Variants in CYP11A1 observed in about 807,000 individuals in gnomAD.
The protein encoded by CYP11A1 is cholesterol side-chain cleavage enzyme, mitochondrial.
In CYP11A1, 25 loss-of-function variants were observed where a neutral mutation model predicts 51.9. The ratio of observed to expected loss-of-function variants is 0.48; its 90% confidence interval spans 0.35 to 0.67. The LOEUF (loss-of-function observed/expected upper bound fraction) is 0.67. Among genes scored for constraint, CYP11A1 ranks in the 30% least tolerant of loss-of-function variants. CYP11A1 has a pLI of 0.00. For missense variants in CYP11A1, 578 were observed against 680.9 expected (o/e 0.85, Z 1.68); for synonymous variants, 245 against 262.1 (o/e 0.93, Z 0.63).
chr15:74,362,232 C>A, intron 1 of CYP11A1: 2 of 397,846 alleles, frequency 5.0e-6, no homozygotes, highest in Admixed American at 4.0e-5. Context: ...TAAATAACAA[C>A]AAAAAATTGT....
At position 74,342,939 on chromosome 15, in the gene CYP11A1, CAG is replaced by C. The variant is rs750164993; in HGVS notation, c.990+36_990+37del. The C allele has an allele frequency of 2.5e-5, 41 of 1,609,278 alleles. No homozygotes were observed. In the Admixed American group the frequency reaches 3.0e-4, roughly 12 times the overall value. Reference sequence around the variant, plus strand: ...CTGGTGGGGAAGGGGCACGTGGGCACAGGGGGCAACAAGGTGCCGCCCCTACA... The same window carrying C: ...CTGGTGGGGAAGGGGCACGTGGGCACGGGGCAACAAGGTGCCGCCCCTACA... On this transcript the variant is annotated intron_variant, in intron 5 of 8. Transcript: ENST00000268053.
At chr15:74,352,148 T>C (rs2060659124) in intron 1 of CYP11A1, among the ~76,000 whole-genome samples, 1 of 152,190 alleles carries the variant, frequency 6.6e-6, no homozygotes, top group East Asian at 1.9e-4. Context: ...TCACGTGACT[T>C]AAAGTATAAC....
chr15:74,367,258 G>A lies in CYP11A1; in HGVS notation c.269+59C>T, dbSNP rs1011708133. The A allele has an allele frequency of 2.5e-6, 4 of 1,605,568 alleles. No homozygotes were observed. In the African/African-American group the frequency reaches 5.4e-5, roughly 22 times the overall value. On this transcript the variant is annotated intron_variant, in intron 1 of 8. Transcript: ENST00000268053. ...GTTGGGGGAGTGGGGACTACAGCAG[G>A]GCTACCCAGGCCCCTCCTCCTCCCT... is the stretch of plus-strand genomic sequence containing the variant.
At chr15:74,362,226 T>A in intron 1 of CYP11A1, 3 of 416,102 alleles carry the variant, frequency 7.2e-6, no homozygotes, top group Non-Finnish European at 1.3e-5. Context: ...AAAAACTAAA[T>A]AACAACAAAA....
intron 7 of CYP11A1, among the ~76,000 whole-genome samples, 174 bp downstream of exon 7, chr15:74,339,063 A>G (rs1293206340): frequency 2.6e-5 from 4 of 152,246 alleles, no homozygotes; most frequent in African/African-American, 7.2e-5. Flanking sequence ...CTGGGTTCCA[A>G]TAACATCCTA....
At chr15:74,339,561 G>A in intron 6 of CYP11A1, 26 bp downstream of exon 6, 1 of 1,608,724 alleles carries the variant, frequency 6.2e-7, no homozygotes, top group Non-Finnish European at 8.5e-7. Context: ...TGGAGTTGGG[G>A]GCGGCATGGG....
intron 5 of CYP11A1, 52 bp downstream of exon 5, chr15:74,342,924 AG>A: frequency 6.3e-7 from 1 of 1,592,486 alleles, no homozygotes; most frequent in Non-Finnish European, 8.6e-7. Context: ...CTGGTGGGGA[AG>A]GGGCACGTGG....
intron 1 of CYP11A1, among the ~76,000 whole-genome samples, chr15:74,355,297 T>C (rs1596165250): frequency 6.6e-6 from 1 of 152,074 alleles, no homozygotes; most frequent in Non-Finnish European, 1.5e-5. Context: ...TCAACAATGG[T>C]TCCAAATAGC....
At chr15:74,349,496 A>T (rs1429003680) in intron 1 of CYP11A1, among the ~76,000 whole-genome samples, 2 of 152,166 alleles carry the variant, frequency 1.3e-5, no homozygotes, top group Non-Finnish European at 2.9e-5. Flanking sequence ...GTGGCCTCCC[A>T]GAAAATCCCC....
intron 3 of CYP11A1, 155 bp downstream of exon 3, chr15:74,344,889 C>G (rs2060624610): frequency 2.6e-6 from 2 of 782,346 alleles, no homozygotes; most frequent in East Asian, 5.3e-5. Flanking sequence ...TAAATTGCCT[C>G]TGAGTAGCAG....
intron 1 of CYP11A1, among the ~76,000 whole-genome samples, chr15:74,348,979 G>T (rs1020038450): frequency 1.3e-5 from 2 of 152,156 alleles, no homozygotes; most frequent in African/African-American, 4.8e-5. Flanking sequence ...TCCCACCTCA[G>T]CCTCCCAAAG....
At position 74,358,773 on chromosome 15, in the gene CYP11A1, C is replaced by T. The variant is rs934940455; in HGVS notation, c.269+8544G>A. Among the ~76,000 whole-genome samples, 3 of 152,244 alleles carry T rather than the reference C, an allele frequency of 2.0e-5. No individual in the cohort carries two copies. In the East Asian group the frequency reaches 5.8e-4, roughly 29 times the overall value. ...TCGGTTTGGCCTTCCTACCTCTATA[C>T]AGTCTGATAACAGACCAGCCTTTAT... On this transcript the variant is annotated intron_variant, in intron 1 of 8. Transcript: ENST00000268053.
chr15:74,366,455 TTTTA>T (rs2060733849), intron 1 of CYP11A1, among the ~76,000 whole-genome samples: 2 of 99,004 alleles, frequency 2.0e-5, no homozygotes, highest in Non-Finnish European at 4.2e-5. Context: ...GGCTAATTTT[TTTTA>T]TTTTATTTAT....
chr15:74,366,058 G>A, intron 1 of CYP11A1: 3 of 985,610 alleles, frequency 3.0e-6, no homozygotes, highest in Non-Finnish European at 3.6e-6. Context: ...CCCGGGGGGC[G>A]GATGGGCTCG....
At chr15:74,355,996 C>T (rs1335641685) in intron 1 of CYP11A1, among the ~76,000 whole-genome samples, 2 of 152,220 alleles carry the variant, frequency 1.3e-5, no homozygotes, top group Non-Finnish European at 2.9e-5. Context: ...GCCCTCAAAC[C>T]TCGCAATGGG....
intron 1 of CYP11A1, among the ~76,000 whole-genome samples, chr15:74,359,854 C>G (rs2060699247): frequency 6.6e-6 from 1 of 152,180 alleles, no homozygotes; most frequent in Non-Finnish European, 1.5e-5. Context: ...TCTCTGGGCT[C>G]TTTCCCTCTA....
chr15:74,345,160 A>C lies in CYP11A1; in HGVS notation c.509T>G (p.Leu170Arg). 2 of 1,614,000 alleles carry C rather than the reference A, an allele frequency of 1.2e-6. No individual in the cohort carries two copies. The highest frequency in any genetic ancestry group is 1.1e-5 in the South Asian group (1 of 91,030). The change falls in exon 3 of 9, where the codon CTG becomes CGG. Residue 170 changes from leucine to arginine, a missense_variant. By Grantham distance (102) the Leu-to-Arg change is moderately radical. Coordinates refer to ENST00000268053, the MANE Select transcript of CYP11A1 (RefSeq NM_000781.3). The surrounding 1 kb of genome is among the most constrained non-coding windows in gnomAD (Gnocchi z 4.3). ...APEATKNFLP[L>R]LDAVSRDFVS... ...GAAGTCCCGAGACACTGCATCCAAC[A>C]GGGGCAAAAAGTTCTTGGTGGCCTC...
chr15:74,362,127 A>G, intron 1 of CYP11A1: 2 of 826,546 alleles, frequency 2.4e-6, no homozygotes, highest in South Asian at 1.5e-5. Flanking sequence ...ATTTGCTCGC[A>G]GTATCCTAGA....
chr15:74,341,887 G>A (rs1469328533), intron 5 of CYP11A1, among the ~76,000 whole-genome samples: 2 of 152,148 alleles, frequency 1.3e-5, no homozygotes, highest in Admixed American at 1.3e-4. Flanking sequence ...GGGAGAAGAC[G>A]GCCATCTACA....
Sources: allele counts gnomAD v4.1 joint callset (sites outside exome capture counted in the v4.1 genomes callset), GRCh38; gene constraint gnomAD v4.1.1; non-coding constraint Gnocchi (gnomAD v3.1); transcripts MANE v1.5; gene names NCBI Gene and HGNC (gene_info 2026-07-23, HGNC 2026-07-21).